Variants in ZCCHC14 observed in about 807,000 individuals in gnomAD.
ZCCHC14 encodes the protein zinc finger CCHC-type containing 14.
In ZCCHC14, 16 loss-of-function variants were observed where a neutral mutation model predicts 85.0. The observed-to-expected ratio is 0.19, with a 90% CI of 0.13 to 0.29. The LOEUF is 0.29. Ranked by LOEUF, ZCCHC14 falls within the 10% of genes least tolerant of loss-of-function variation. The pLI is 1.00. For synonymous variants in ZCCHC14, 775 were observed against 630.7 expected, an observed-to-expected ratio of 1.23 and a Z score of -3.43; for missense variants, 1,303 against 1,443.5, an observed-to-expected ratio of 0.90 and a Z score of 1.58.
At chr16:87,488,102 G>A (rs150501305) in intron 1 of ZCCHC14, among the ~76,000 whole-genome samples, 2,508 of 152,116 alleles carry the variant, frequency 0.016, 25 homozygotes, top group Middle Eastern at 0.048. Context: ...ACTGTAAAAG[G>A]GTGAAGTATA....
intron 2 of ZCCHC14, among the ~76,000 whole-genome samples, chr16:87,453,493 A>C (rs1910807277): frequency 6.6e-6 from 1 of 152,176 alleles, no homozygotes; most frequent in African/African-American, 2.4e-5. Flanking sequence ...GGCTGGGATG[A>C]GCGCAGCTGC....
chr16:87,422,050 T>C (rs941173307), intron 4 of ZCCHC14, among the ~76,000 whole-genome samples: 5 of 152,250 alleles, frequency 3.3e-5, no homozygotes, highest in Admixed American at 6.5e-5. Flanking sequence ...ACAGCTATGA[T>C]GGATGTACTA....
rs146112118 is a variant in ZCCHC14, at chr16:87,412,084, A to G, written c.2637T>C (p.Ser879=). The G allele has an allele frequency of 1.5e-3, 2,392 of 1,612,704 alleles. 29 individuals carry two copies. The African/African-American group carries it at 0.028, about 19-fold the overall frequency. ...CGCCACCGCCACTGCTGCTATAGAA[A>G]CTGCTTTCAGGGACGGAGGACAGCG... ...SPALSSVPES[S]FYSSSGGGGS... Residue 879 remains serine (S), a synonymous_variant, in exon 12 of 13, where the codon AGT becomes AGC. Transcript: ENST00000671377.
Position 87,463,925 on chromosome 16 carries a change from T to G in ZCCHC14, c.571-3794A>C, listed in dbSNP as rs764748112. Among the ~76,000 whole-genome samples the G allele has an allele frequency of 2.6e-5, 4 of 152,116 alleles. No homozygotes were observed. The East Asian group carries it at 5.8e-4, about 22-fold the overall frequency. ...GCCTCGACCTCCTGGGCTCAAGTGA[T>G]CCTTCCACCTGAGCCTCCTGAGTAA... On this transcript the variant is annotated intron_variant, in intron 1 of 12. Transcript: ENST00000671377.
chr16:87,488,465 C>A (rs972575619), intron 1 of ZCCHC14, among the ~76,000 whole-genome samples: 5 of 152,198 alleles, frequency 3.3e-5, no homozygotes, highest in African/African-American at 7.2e-5. Context: ...GTACTCCCCC[C>A]ACTTTTACAC....
In ZCCHC14 at chr16:87,417,318, A is replaced by T; in HGVS notation, c.1383+142T>A. On this transcript the variant is annotated intron_variant, in intron 8 of 12. Transcript: ENST00000671377. ...GCTGCAGGCGGCCTCCGCAAAGCCCACCGTCTCCCTTAAGAACAGGCGCTG... is the reference window on the plus strand; with the variant it reads ...GCTGCAGGCGGCCTCCGCAAAGCCCTCCGTCTCCCTTAAGAACAGGCGCTG... 4 of 1,269,624 alleles carry T rather than the reference A, an allele frequency of 3.2e-6. No homozygotes were observed. The South Asian group carries it at 4.4e-5, about 14-fold the overall frequency. The allele number at this position is 1,269,624 out of a possible 1,614,324, so 78.6% of individuals were successfully genotyped here. A position where few individuals can be genotyped will look rare whatever the true frequency, so the allele number is the denominator to read the frequency against.
At chr16:87,413,965 C>T (rs903602683) in intron 10 of ZCCHC14, among the ~76,000 whole-genome samples, 1 of 152,142 alleles carries the variant, frequency 6.6e-6, no homozygotes, top group Non-Finnish European at 1.5e-5. Flanking sequence ...ACTGTCCCTT[C>T]GATTTTCTTA....
At chr16:87,453,914 A>G (rs1910829829) in intron 2 of ZCCHC14, among the ~76,000 whole-genome samples, 1 of 152,246 alleles carries the variant, frequency 6.6e-6, no homozygotes, top group Non-Finnish European at 1.5e-5. Context: ...ATGTAAAAAC[A>G]AAAATGCCCA....
chr16:87,482,283 G>A (rs142397327), intron 1 of ZCCHC14, among the ~76,000 whole-genome samples: 6 of 152,284 alleles, frequency 3.9e-5, no homozygotes, highest in African/African-American at 1.4e-4. Flanking sequence ...CAAAACCACA[G>A]CTGAAAAGGT....
intron 12 of ZCCHC14, among the ~76,000 whole-genome samples, chr16:87,410,995 G>C (rs1908404172): frequency 6.6e-6 from 1 of 152,198 alleles, no homozygotes; most frequent in South Asian, 2.1e-4. Context: ...AACTACATCA[G>C]ACATCCACTG....
chr16:87,481,548 G>GGGGA, intron 1 of ZCCHC14, among the ~76,000 whole-genome samples: 1 of 61,234 alleles, frequency 1.6e-5, no homozygotes, highest in Non-Finnish European at 3.9e-5. Context: ...GGGGTGGGGG[G>GGGGA]GGGGAAGGGT....
chr16:87,412,039 A>T lies in ZCCHC14; in HGVS notation c.2682T>A (p.Pro894=). 2.5e-6 allele frequency: 4 copies of T among 1,609,442 alleles called. No homozygotes were observed. Among genetic ancestry groups the T allele is most frequent in the Non-Finnish European group, 3.4e-6 (4 of 1,179,900 alleles). Residue 894 remains proline (P), a synonymous_variant, in exon 12 of 13, where the codon CCT becomes CCA. Transcript: ENST00000671377. ...SGGGGSTGNI[P]ASNPNHHHHH... Reference sequence around the variant, plus strand: ...GGTGGTGGTGGTTCGGATTCGAGGCAGGAATGTTTCCTGTGGAGCCGCCAC... The same window carrying T: ...GGTGGTGGTGGTTCGGATTCGAGGCTGGAATGTTTCCTGTGGAGCCGCCAC...
intron 12 of ZCCHC14, 120 bp from the exon 13 acceptor site, chr16:87,410,455 AC>A: frequency 1.8e-6 from 1 of 552,890 alleles, no homozygotes; most frequent in Middle Eastern, 2.8e-4. Context: ...AATCTAGGCC[AC>A]CCATCCTGAC....
chr16:87,492,529 C>A lies in ZCCHC14; in HGVS notation c.-291G>T. ...GGCGAGCGGCCTCGGGCCCCCCGCTCACGGGGAGGCGCCTTCCCCGCGCCC... is the reference window on the plus strand; with the variant it reads ...GGCGAGCGGCCTCGGGCCCCCCGCTAACGGGGAGGCGCCTTCCCCGCGCCC... On this transcript the variant is annotated 5_prime_UTR_variant, in exon 1 of 13. The change abolishes the stop of an existing upstream ORF in the 5' untranslated region. Transcript: ENST00000671377. This position sits in a 1 kb window ranked among gnomAD's most constrained non-coding sequence, Gnocchi z 6.7. 1.4e-5 allele frequency: 2 copies of A among 145,434 alleles called. No homozygotes were observed. The highest frequency in any genetic ancestry group is 3.9e-4 in the South Asian group (2 of 5,094). The allele number at this position is 145,434 out of a possible 1,614,324, so 9.0% of individuals were successfully genotyped here.
At chr16:87,415,127 A>C in intron 9 of ZCCHC14, 149 bp downstream of exon 9, 3 of 596,292 alleles carry the variant, frequency 5.0e-6, no homozygotes, top group Middle Eastern at 5.3e-4. Flanking sequence ...AAAATAAATA[A>C]ATAAAAATAA....
chr16:87,491,603 G>A lies in ZCCHC14; in HGVS notation c.570+66C>T, dbSNP rs1912772295. Reference sequence around the variant, plus strand: ...TCGGGGGGTCGCGGTGCAGGCTGGAGGCTTGGAGTGCAGAGTTGGGGATGC... The same window carrying A: ...TCGGGGGGTCGCGGTGCAGGCTGGAAGCTTGGAGTGCAGAGTTGGGGATGC... On this transcript the variant is annotated intron_variant, in intron 1 of 12. Coordinates refer to ENST00000671377, the MANE Select transcript of ZCCHC14 (RefSeq NM_015144.3). This position sits in a 1 kb window ranked among gnomAD's most constrained non-coding sequence, Gnocchi z 5.9. 3 of 1,326,352 alleles carry A rather than the reference G, an allele frequency of 2.3e-6. No homozygotes were observed. The highest frequency in any genetic ancestry group is 2.9e-6 in the Non-Finnish European group (3 of 1,036,034). The allele number at this position is 1,326,352 out of a possible 1,614,324, so 82.2% of individuals were successfully genotyped here.
intron 1 of ZCCHC14, among the ~76,000 whole-genome samples, chr16:87,463,050 G>A (rs965623020): frequency 2.7e-5 from 4 of 150,640 alleles, no homozygotes; most frequent in East Asian, 2.0e-4. Context: ...CCTGGGCAAC[G>A]AGAGTGAAAC....
chr16:87,481,530 G>GT (rs1912268867), intron 1 of ZCCHC14, among the ~76,000 whole-genome samples: 1 of 25,136 alleles, frequency 4.0e-5, no homozygotes, highest in Non-Finnish European at 1.1e-4. Context: ...GAGAAACGGG[G>GT]GGGGGGGGGG....
At chr16:87,476,799 A>G (rs1464945906) in intron 1 of ZCCHC14, among the ~76,000 whole-genome samples, 5 of 151,908 alleles carry the variant, frequency 3.3e-5, no homozygotes, top group Non-Finnish European at 7.4e-5. Context: ...GTCATACCGC[A>G]CAAACCCGCA....
Sources: allele counts gnomAD v4.1 joint callset (sites outside exome capture counted in the v4.1 genomes callset), GRCh38; gene constraint gnomAD v4.1.1; non-coding constraint Gnocchi (gnomAD v3.1); transcripts MANE v1.5; gene names NCBI Gene and HGNC (gene_info 2026-07-23, HGNC 2026-07-21).